NOS1: variants seen among roughly 807,000 people sequenced by gnomAD.
NOS1 encodes the protein NOS type I.
In NOS1, 51 loss-of-function variants were observed where a neutral mutation model predicts 164.5. The observed-to-expected ratio is 0.31, with a 90% CI of 0.25 to 0.39. NOS1 has a LOEUF of 0.39. Among genes scored for constraint, NOS1 ranks in the 10% least tolerant of loss-of-function variants. NOS1 has a pLI of 1.00. For synonymous variants in NOS1, 719 were observed against 745.8 expected (o/e 0.96, Z 0.59); for missense variants, 1,362 against 1,885.6 (o/e 0.72, Z 5.14).
chr12:117,265,427 C>A lies in NOS1; in HGVS notation c.2025G>T (p.Gly675=), dbSNP rs1375436372. ...TCCACACCCAGTCGGCAGGGCAGCC[C>A]CCCCGGCAGCGGTACTCATTCTCCA... ...KHMENEYRCR[G]GCPADWVWIV... is the part of the protein sequence containing the mutation. The change falls in exon 12 of 29, where the codon GGG becomes GGT. Residue 675 remains glycine (G), a synonymous_variant. Transcript: ENST00000317775. 6.3e-7 allele frequency: 1 copy of A among 1,591,576 alleles called. No homozygotes were observed. Among genetic ancestry groups the A allele is most frequent in the East Asian group, 2.3e-5 (1 of 43,914 alleles).
rs892176659 is a variant in NOS1, at chr12:117,311,720, G to A, written c.726-128C>T. ...CTCACATAACTCCATATGAGCCAGC[G>A]AGCTTTGGGTACCCATCCTGCTGCT... On this transcript the variant is annotated intron_variant, in intron 2 of 28. Coordinates refer to ENST00000317775, the MANE Select transcript of NOS1 (RefSeq NM_000620.5). 21 of 1,007,820 alleles carry A rather than the reference G, an allele frequency of 2.1e-5. No individual in the cohort carries two copies. In the East Asian group the frequency reaches 2.5e-4, roughly 12 times the overall value. 62.4% of individuals were successfully genotyped at this position (1,007,820 alleles called of 1,614,324 possible). A position where few individuals can be genotyped will look rare whatever the true frequency, so the allele number is the denominator to read the frequency against.
chr12:117,341,680 C>T (rs1222622954), intron 1 of NOS1, among the ~76,000 whole-genome samples: 1 of 152,098 alleles, frequency 6.6e-6, no homozygotes, highest in East Asian at 1.9e-4. Flanking sequence ...CATACCTGCC[C>T]CATTGCTGTA....
chr12:117,328,722 G>A (rs1246125659), intron 2 of NOS1, among the ~76,000 whole-genome samples: 2 of 152,184 alleles, frequency 1.3e-5, no homozygotes, highest in African/African-American at 2.4e-5. Context: ...GTGCCATCAC[G>A]CCCAGCTAAT....
At chr12:117,238,814 C>T (rs1262346814) in intron 20 of NOS1, among the ~76,000 whole-genome samples, 2 of 152,120 alleles carry the variant, frequency 1.3e-5, no homozygotes, top group Admixed American at 6.5e-5. Flanking sequence ...TGCACCCGGC[C>T]CTTTCTTTCA....
chr12:117,291,531 T>C (rs1873060791), intron 3 of NOS1, among the ~76,000 whole-genome samples: 1 of 123,688 alleles, frequency 8.1e-6, no homozygotes, highest in Non-Finnish European at 1.6e-5. Flanking sequence ...ACATCTGTCT[T>C]TTTTTTTTTT....
chr12:117,266,203 C>G (rs931849607), intron 11 of NOS1, among the ~76,000 whole-genome samples: 2 of 151,792 alleles, frequency 1.3e-5, no homozygotes, highest in African/African-American at 2.4e-5. Context: ...TTTGGTGCAC[C>G]CATCGCCCGA....
chr12:117,218,034 G>C lies in NOS1; in HGVS notation c.4289+12C>G, dbSNP rs1308347688. 6.3e-7 allele frequency: 1 copy of C among 1,585,538 alleles called. No homozygotes were observed. Among genetic ancestry groups the C allele is most frequent in the East Asian group, 2.2e-5 (1 of 44,732 alleles). On this transcript the variant is annotated intron_variant, in intron 28 of 28. Transcript: ENST00000317775. ...TCTTCCTGCCCCTCACCCAGGGATG[G>C]AGCCAGCTTACTCATCGGTGTCTTT... is the stretch of plus-strand genomic sequence containing the variant.
chr12:117,332,090 G>C, intron 1 of NOS1, among the ~76,000 whole-genome samples: 1 of 152,298 alleles, frequency 6.6e-6, no homozygotes, highest in East Asian at 1.9e-4. Context: ...ATACTAAGAA[G>C]ATGGGTCCAC....
At chr12:117,350,125 C>T (rs1396420045) in intron 1 of NOS1, among the ~76,000 whole-genome samples, 2 of 152,104 alleles carry the variant, frequency 1.3e-5, no homozygotes, top group African/African-American at 4.8e-5. Context: ...GAAAGTTTCT[C>T]CAAGTTTAAT....
rs1417328759 is a variant in NOS1, at chr12:117,309,874, C to T, written c.852+1592G>A. ...ATCACAAATGTACGTGAATTTTGGC[C>T]CAACAATCCCACTTCTAGGAATTTA... is the stretch of plus-strand genomic sequence containing the variant. On this transcript the variant is annotated intron_variant, in intron 3 of 28. Coordinates refer to ENST00000317775, the MANE Select transcript of NOS1 (RefSeq NM_000620.5). 3.9e-5 allele frequency among the ~76,000 whole-genome samples: 6 copies of T among 152,068 alleles called. No individual in the cohort carries two copies. In the East Asian group the frequency reaches 7.7e-4, roughly 20 times the overall value.
intron 11 of NOS1, among the ~76,000 whole-genome samples, chr12:117,265,766 C>A (rs1158038188): frequency 6.6e-6 from 1 of 151,840 alleles, no homozygotes; most frequent in Non-Finnish European, 1.5e-5. Context: ...TCCCATCCCA[C>A]CCCCATCTTT....
At chr12:117,286,307 T>G (rs1018771503) in intron 5 of NOS1, 41 bp from the exon 6 acceptor site, 7 of 1,607,108 alleles carry the variant, frequency 4.4e-6, no homozygotes, top group Middle Eastern at 1.6e-4. Flanking sequence ...CACCCCCTCT[T>G]CTGAATTAGA....
intron 16 of NOS1, among the ~76,000 whole-genome samples, chr12:117,257,533 A>G (rs1460607267): frequency 6.6e-6 from 1 of 151,406 alleles, no homozygotes; most frequent in Non-Finnish European, 1.5e-5. Context: ...CTCAACTTCT[A>G]GATTAGCTGC....
chr12:117,342,069 T>C (rs914655302), intron 1 of NOS1, among the ~76,000 whole-genome samples: 1 of 152,224 alleles, frequency 6.6e-6, no homozygotes, highest in African/African-American at 2.4e-5. Context: ...TAAAATAAGA[T>C]GGCACATATT....
rs1038424441 is a variant in NOS1, at chr12:117,295,859, C to T, written c.853-5433G>A. Among the ~76,000 whole-genome samples, 81 of 151,480 alleles carry T rather than the reference C, an allele frequency of 5.3e-4. 1 individual carries two copies. Among genetic ancestry groups the T allele is most frequent in the Non-Finnish European group, 1.5e-4 (10 of 67,914 alleles). ...GGCCAGGCTGGTCTCGAACTCCTGACCTCAGGTGATCTGCCCACCTCAGCC... is the reference window on the plus strand; with the variant it reads ...GGCCAGGCTGGTCTCGAACTCCTGATCTCAGGTGATCTGCCCACCTCAGCC... On this transcript the variant is annotated intron_variant, in intron 3 of 28. Transcript: ENST00000317775.
intron 9 of NOS1, among the ~76,000 whole-genome samples, chr12:117,274,496 C>T (rs1195669284): frequency 6.6e-6 from 1 of 151,916 alleles, no homozygotes; most frequent in Admixed American, 6.6e-5. Flanking sequence ...AGGCTGGGCG[C>T]AGTGGTTCAC....
chr12:117,288,365 C>G, intron 4 of NOS1, 146 bp from the exon 5 acceptor site: 1 of 679,846 alleles, frequency 1.5e-6, no homozygotes, highest in Non-Finnish European at 2.5e-6. Flanking sequence ...GCTTCAAATC[C>G]TTGGTGGATA....
chr12:117,219,027 G>A (rs1171457133), intron 27 of NOS1, among the ~76,000 whole-genome samples: 4 of 149,728 alleles, frequency 2.7e-5, no homozygotes, highest in African/African-American at 9.8e-5. Flanking sequence ...CACCCAGGCT[G>A]GAGTGCAGTG....
At chr12:117,297,965 T>A (rs929624797) in intron 3 of NOS1, among the ~76,000 whole-genome samples, 1 of 152,076 alleles carries the variant, frequency 6.6e-6, no homozygotes, top group African/African-American at 2.4e-5. Flanking sequence ...GTCCTCAACC[T>A]TTTTGGCACC....
Sources: allele counts gnomAD v4.1 joint callset (sites outside exome capture counted in the v4.1 genomes callset), GRCh38; gene constraint gnomAD v4.1.1; transcripts MANE v1.5; gene names NCBI Gene and HGNC (gene_info 2026-07-23, HGNC 2026-07-21).